IQGAP2: variants seen among roughly 807,000 people sequenced by gnomAD.
IQGAP2 encodes IQ motif containing GTPase activating protein 2.
In IQGAP2, 173 loss-of-function variants were observed where a neutral mutation model predicts 201.3. That is an observed-to-expected ratio of 0.86 (90% CI 0.76 to 0.98). IQGAP2 has a LOEUF of 0.98. IQGAP2 is among the 50% of genes least tolerant of loss of function. IQGAP2 has a pLI of 0.00. For synonymous variants in IQGAP2, 675 were observed against 673.9 expected (o/e 1.00, Z -0.03); for missense variants, 1,687 against 1,864.8 (o/e 0.90, Z 1.76).
chr5:76,459,261 G>A (rs1395541972), intron 1 of IQGAP2, among the ~76,000 whole-genome samples: 3 of 152,096 alleles, frequency 2.0e-5, no homozygotes, highest in Non-Finnish European at 2.9e-5. Flanking sequence ...GCCGAGGGAC[G>A]GGGTTCTGCT....
At chr5:76,587,465 A>C (rs1013897172) in intron 5 of IQGAP2, among the ~76,000 whole-genome samples, 1 of 152,194 alleles carries the variant, frequency 6.6e-6, no homozygotes, top group Non-Finnish European at 1.5e-5. Flanking sequence ...AAATTATAGT[A>C]CATTCATATT....
In IQGAP2 at chr5:76,693,359, A is replaced by G; in HGVS notation, c.3910A>G (p.Lys1304Glu). The G allele has an allele frequency of 6.2e-7, 1 of 1,612,276 alleles. No individual in the cohort carries two copies. The highest frequency in any genetic ancestry group is 2.2e-5 in the East Asian group (1 of 44,840). The change falls in exon 31 of 36, where the codon AAG becomes GAG. Residue 1304 changes from lysine (K) to glutamate (E), a missense_variant. Lys to Glu is a moderately conservative substitution (Grantham distance 56, BLOSUM62 1). Transcript: ENST00000274364. Reference protein sequence around the residue: ...IDSRSLMIKTKKLIIDVIRNQ... With the variant: ...IDSRSLMIKTEKLIIDVIRNQ... The stretch of plus-strand genomic sequence containing the variant: ...CTCTTTCTCTGGTTTGTTAAGGACC[A>G]AGAAGCTGATAATTGATGTGATCCG...
intron 2 of IQGAP2, among the ~76,000 whole-genome samples, chr5:76,543,037 A>G (rs1483059360): frequency 1.3e-5 from 2 of 152,164 alleles, no homozygotes; most frequent in African/African-American, 4.8e-5. Flanking sequence ...GTAGCTGTTT[A>G]GATTGTGAAG....
chr5:76,558,232 C>T (rs576913585), intron 2 of IQGAP2, among the ~76,000 whole-genome samples: 1 of 152,158 alleles, frequency 6.6e-6, no homozygotes, highest in Admixed American at 6.5e-5. Flanking sequence ...TGCCTCCTGC[C>T]CCTTGCTCCC....
chr5:76,609,205 C>G, intron 12 of IQGAP2: 2 of 1,535,900 alleles, frequency 1.3e-6, no homozygotes, highest in Non-Finnish European at 1.7e-6. Flanking sequence ...TCTGTTAAGA[C>G]CATTTTTGGA....
chr5:76,447,188 C>T (rs1384925617), intron 1 of IQGAP2, among the ~76,000 whole-genome samples: 1 of 152,196 alleles, frequency 6.6e-6, no homozygotes, highest in Non-Finnish European at 1.5e-5. Flanking sequence ...CCTAGGCCAA[C>T]TAAGAATCCC....
At position 76,496,738 on chromosome 5, in the gene IQGAP2, TTTCTTTCTTTCTTTC is replaced by T. The variant is rs1561416243; in HGVS notation, c.146+35072_146+35086del. On this transcript the variant is annotated intron_variant, in intron 2 of 35. Coordinates refer to ENST00000274364, the MANE Select transcript of IQGAP2 (RefSeq NM_006633.5). ...TTTCTTTCTTTCTTTTCTTTCTTTC[TTTCTTTCTTTCTTTC>T]TTTCTTTCTTTCTTTCTTTCTTTCT... 7.6e-5 allele frequency among the ~76,000 whole-genome samples: 3 copies of T among 39,588 alleles called. 1 individual carries two copies. The highest frequency in any genetic ancestry group is 3.3e-4 in the African/African-American group (3 of 9,102). 26.0% of individuals were successfully genotyped at this position (39,588 alleles called of 152,430 possible).
Position 76,590,565 on chromosome 5 carries a change from A to G in IQGAP2, c.798A>G (p.Lys266=). ...QKELWDAKKK[K]EENARLKNSC... ...AACTCTGGGATGCCAAAAAGAAAAA[A>G]GAGGAAAATGCAAGACTGAAGGTGC... Residue 266 remains lysine, a synonymous_variant, in exon 8 of 36, where the codon AAA becomes AAG. Coordinates refer to ENST00000274364, the MANE Select transcript of IQGAP2 (RefSeq NM_006633.5). 1 of 1,610,218 alleles carries G rather than the reference A, an allele frequency of 6.2e-7. No homozygotes were observed. Among genetic ancestry groups the G allele is most frequent in the Non-Finnish European group, 8.5e-7 (1 of 1,178,920 alleles).
intron 1 of IQGAP2, among the ~76,000 whole-genome samples, chr5:76,442,600 T>A (rs1753110363): frequency 6.6e-6 from 1 of 152,162 alleles, no homozygotes. Flanking sequence ...GATAAAGGAT[T>A]TTCACCTAGA....
At chr5:76,454,456 A>G (rs1254286311) in intron 1 of IQGAP2, among the ~76,000 whole-genome samples, 7 of 96,208 alleles carry the variant, frequency 7.3e-5, no homozygotes, top group Non-Finnish European at 9.9e-5. Context: ...CCCACCCCAC[A>G]ACAGTCCCCA....
chr5:76,492,052 T>C (rs140642008), intron 2 of IQGAP2, among the ~76,000 whole-genome samples: 19 of 152,342 alleles, frequency 1.2e-4, no homozygotes, highest in Admixed American at 2.0e-4. Flanking sequence ...ACAGCCCTGT[T>C]CATGACCTTA....
chr5:76,658,100 G>A (rs944948866), intron 20 of IQGAP2, among the ~76,000 whole-genome samples: 2 of 152,124 alleles, frequency 1.3e-5, no homozygotes, highest in Non-Finnish European at 2.9e-5. Flanking sequence ...AGGTCTCAGG[G>A]TCGAGGTAAC....
intron 1 of IQGAP2, among the ~76,000 whole-genome samples, chr5:76,448,682 C>T (rs952217691): frequency 2.0e-5 from 3 of 152,150 alleles, no homozygotes; most frequent in Admixed American, 6.6e-5. Flanking sequence ...AGATGAGAGC[C>T]ATTATCTTTA....
intron 15 of IQGAP2, among the ~76,000 whole-genome samples, chr5:76,635,658 C>G (rs375447008): frequency 7.5e-4 from 114 of 152,228 alleles, no homozygotes; most frequent in African/African-American, 2.4e-3. Flanking sequence ...GCCTGGACAA[C>G]ATGGCAAAAC....
intron 5 of IQGAP2, among the ~76,000 whole-genome samples, chr5:76,576,297 T>C (rs1745471242): frequency 1.3e-5 from 2 of 152,230 alleles, no homozygotes; most frequent in South Asian, 2.1e-4. Context: ...TGGTGTAAAT[T>C]AGTCAAATCA....
At chr5:76,504,179 C>T (rs115958021) in intron 2 of IQGAP2, among the ~76,000 whole-genome samples, 1,635 of 152,236 alleles carry the variant, frequency 0.011, 27 homozygotes, top group African/African-American at 0.037. Context: ...GATCAGTGAG[C>T]GTGTTCCTTT....
intron 1 of IQGAP2, among the ~76,000 whole-genome samples, chr5:76,451,990 T>C (rs1753782696): frequency 6.6e-6 from 1 of 152,156 alleles, no homozygotes. Flanking sequence ...TGAGCTGAGA[T>C]CACACCACTG....
At chr5:76,443,349 G>T (rs933222193) in intron 1 of IQGAP2, among the ~76,000 whole-genome samples, 1 of 152,140 alleles carries the variant, frequency 6.6e-6, no homozygotes, top group Non-Finnish European at 1.5e-5. Context: ...TATGTGAGAG[G>T]ATGGCATGCA....
In IQGAP2 at chr5:76,627,463, C is replaced by A. The variant is rs746673533; in HGVS notation, c.1575C>A (p.Val525=). ...GGCTGGATGAGATACAGCAAGCCGTCGATGATGCCAACGTGGACAAGGACA... is the reference window on the plus strand; with the variant it reads ...GGCTGGATGAGATACAGCAAGCCGTAGATGATGCCAACGTGGACAAGGACA... ...VLWLDEIQQA[V]DDANVDKDRA... The change falls in exon 14 of 36, where the codon GTC becomes GTA. Residue 525 remains valine, a synonymous_variant. Transcript: ENST00000274364. The A allele has an allele frequency of 1.9e-6, 3 of 1,599,332 alleles. No individual in the cohort carries two copies. The South Asian group carries it at 3.3e-5, about 18-fold the overall frequency.
Sources: allele counts gnomAD v4.1 joint callset (sites outside exome capture counted in the v4.1 genomes callset), GRCh38; gene constraint gnomAD v4.1.1; transcripts MANE v1.5; gene names NCBI Gene and HGNC (gene_info 2026-07-23, HGNC 2026-07-21).